SCARB2: variants seen among roughly 807,000 people sequenced by gnomAD.
The protein encoded by SCARB2 is lysosome membrane protein 2.
In SCARB2, 29 loss-of-function variants were observed where a neutral mutation model predicts 58.6. That is an observed-to-expected ratio of 0.49 (90% CI 0.37 to 0.67). SCARB2 has a LOEUF of 0.67. Ranked by LOEUF, SCARB2 falls within the 30% of genes least tolerant of loss-of-function variation. The probability of loss-of-function intolerance (pLI) is 0.00; values close to 1 mark genes in which losing one functional copy is unlikely to be tolerated. For missense variants in SCARB2, 488 were observed against 578.5 expected (o/e 0.84, Z 1.60); for synonymous variants, 195 against 210.1 (o/e 0.93, Z 0.62).
chr4:76,194,650 T>G (rs1033172907), intron 2 of SCARB2: 1 of 152,210 alleles, frequency 6.6e-6, no homozygotes, highest in Non-Finnish European at 1.5e-5. Context: ...TCAGGCATTT[T>G]TATCATTCAG....
intron 10 of SCARB2, 57 bp from the exon 11 acceptor site, chr4:76,163,440 T>C (rs961046180): frequency 1.3e-6 from 2 of 1,592,008 alleles, no homozygotes; most frequent in Non-Finnish European, 1.7e-6. Flanking sequence ...TGTAACTGTT[T>C]TTTGCTATAT....
chr4:76,188,086 T>G (rs1316079816), intron 2 of SCARB2, among the ~76,000 whole-genome samples: 1 of 152,144 alleles, frequency 6.6e-6, no homozygotes, highest in East Asian at 1.9e-4. Flanking sequence ...AATACGCAAA[T>G]TAATTGGAAG....
chr4:76,176,811 G>T (rs1369462080), intron 4 of SCARB2: 3 of 304,468 alleles, frequency 9.9e-6, no homozygotes, highest in Non-Finnish European at 1.8e-5. Flanking sequence ...ATTCTGCCTG[G>T]ATTTCCAGGT....
chr4:76,198,372 T>C (rs112818273), intron 1 of SCARB2, among the ~76,000 whole-genome samples: 63 of 152,302 alleles, frequency 4.1e-4, no homozygotes, highest in African/African-American at 1.5e-3. Context: ...CAAAGACAAG[T>C]GGAAGGGTTT....
At chr4:76,184,726 G>A (rs1732451070) in intron 2 of SCARB2, 2 of 331,706 alleles carry the variant, frequency 6.0e-6, no homozygotes, top group Admixed American at 3.9e-5. Context: ...ACGTTACAGT[G>A]AGCTATGATC....
chr4:76,213,860 G>C (rs1012925006), upstream of SCARB2: 2 of 192,250 alleles, frequency 1.0e-5, no homozygotes, highest in African/African-American at 2.4e-5. Context: ...TTCGCGGGCC[G>C]GGCTCGCCGC....
chr4:76,166,318 T>TGA lies in SCARB2; in HGVS notation c.1188-19_1188-18dup. ...CCCGTTTCACTACAAAGACAAAGGA[T>TGA]GAGATTGTTTCAGAAACATCCTCAT... is the stretch of plus-strand genomic sequence containing the variant. On this transcript the variant is annotated splice_polypyrimidine_tract_variant and intron_variant, in intron 9 of 11. Coordinates refer to ENST00000264896, the MANE Select transcript of SCARB2 (RefSeq NM_005506.4). 6.2e-7 allele frequency: 1 copy of TGA among 1,613,654 alleles called. No homozygotes were observed. Among genetic ancestry groups the TGA allele is most frequent in the Non-Finnish European group, 8.5e-7 (1 of 1,179,570 alleles).
upstream of SCARB2, chr4:76,214,392 G>T (rs948756040): frequency 6.9e-6 from 3 of 433,166 alleles, no homozygotes; most frequent in Non-Finnish European, 1.4e-5. Context: ...GTGCAAAAAA[G>T]GGAGGAGGAG....
intron 1 of SCARB2, among the ~76,000 whole-genome samples, chr4:76,228,321 A>G (rs983303118): frequency 6.6e-6 from 1 of 151,996 alleles, no homozygotes; most frequent in Non-Finnish European, 1.5e-5. Context: ...CTCTACTAAA[A>G]TACAAAAATT....
chr4:76,197,607 G>A (rs1024092223), intron 1 of SCARB2, among the ~76,000 whole-genome samples: 5 of 152,164 alleles, frequency 3.3e-5, no homozygotes, highest in East Asian at 1.9e-4. Flanking sequence ...TAAATACAGC[G>A]CCTGAGGTTA....
chr4:76,166,194 A>G (rs1449245264), intron 10 of SCARB2, 56 bp downstream of exon 10: 5 of 1,530,852 alleles, frequency 3.3e-6, no homozygotes, highest in Non-Finnish European at 4.5e-6. Context: ...TAGACATCAT[A>G]ATGGATTTTT....
intron 1 of SCARB2, among the ~76,000 whole-genome samples, chr4:76,233,484 C>G (rs894057237): frequency 6.6e-6 from 1 of 152,110 alleles, no homozygotes; most frequent in African/African-American, 2.4e-5. Context: ...TGAAAGGCAT[C>G]ACAGCTTTTA....
chr4:76,171,398 T>C (rs1732126559), intron 7 of SCARB2, among the ~76,000 whole-genome samples: 3 of 152,254 alleles, frequency 2.0e-5, no homozygotes, highest in South Asian at 2.1e-4. Flanking sequence ...TAATAAACTT[T>C]GGCCAATTTA....
upstream of SCARB2, chr4:76,217,677 AC>A: frequency 1.6e-6 from 1 of 640,154 alleles, no homozygotes; most frequent in South Asian, 1.8e-5. Context: ...TCTTTTCACT[AC>A]CCAATCTCAG....
intron 1 of SCARB2, among the ~76,000 whole-genome samples, chr4:76,202,448 A>G (rs1181458856): frequency 6.6e-6 from 1 of 152,130 alleles, no homozygotes; most frequent in Non-Finnish European, 1.5e-5. Flanking sequence ...TTTAGTAGAG[A>G]AAGGGCTTCA....
intron 2 of SCARB2, among the ~76,000 whole-genome samples, chr4:76,186,936 A>G (rs977210048): frequency 6.6e-6 from 1 of 152,208 alleles, no homozygotes; most frequent in Non-Finnish European, 1.5e-5. Context: ...AAAAAAGGAG[A>G]AAGCATTCTC....
chr4:76,189,496 T>TGTTGTTGTC (rs1465247376), intron 2 of SCARB2, among the ~76,000 whole-genome samples: 4 of 151,618 alleles, frequency 2.6e-5, no homozygotes, highest in African/African-American at 9.7e-5. Flanking sequence ...TTGTTGTTGT[T>TGTTGTTGTC]GTTTGAGACA....
chr4:76,163,584 T>C (rs1211125752), intron 10 of SCARB2: 1 of 614,664 alleles, frequency 1.6e-6, no homozygotes, highest in African/African-American at 1.8e-5. Flanking sequence ...GAAGACATTT[T>C]TTTTACTCTT....
chr4:76,192,629 C>G (rs1162995107), intron 2 of SCARB2: 1 of 150,486 alleles, frequency 6.6e-6, no homozygotes, highest in East Asian at 2.0e-4. Flanking sequence ...GGCCATGTGG[C>G]AGAGAAAGAA....
Sources: gnomAD v4.1 joint callset for allele counts (sites outside exome capture counted in the v4.1 genomes callset) on GRCh38, gnomAD v4.1.1 for gene constraint, MANE v1.5 for transcripts, NCBI Gene and HGNC (gene_info 2026-07-23, HGNC 2026-07-21) for gene names.